Variants in RAD51B observed in about 807,000 individuals in gnomAD.
The protein encoded by RAD51B is DNA repair protein RAD51 homolog 2.
A neutral mutation model predicts 42.2 loss-of-function variants in RAD51B; 38 were observed. The observed-to-expected ratio is 0.90, with a 90% CI of 0.70 to 1.18. The LOEUF is 1.18. Among genes scored for constraint, RAD51B ranks in the 50% most tolerant of loss-of-function variants. RAD51B has a pLI of 0.00. For missense variants in RAD51B, 373 were observed against 400.7 expected (o/e 0.93, Z 0.59); for synonymous variants, 154 against 145.2 (o/e 1.06, Z -0.43).
At chr14:68,673,840 T>C (rs1330674229) in intron 11 of RAD51B, among the ~76,000 whole-genome samples, 1 of 150,744 alleles carries the variant, frequency 6.6e-6, no homozygotes, top group East Asian at 2.0e-4. Flanking sequence ...TACATACACA[T>C]ATGTACATGC....
chr14:67,841,854 G>A (rs937936311), intron 4 of RAD51B, among the ~76,000 whole-genome samples: 2 of 152,088 alleles, frequency 1.3e-5, no homozygotes, highest in Admixed American at 1.3e-4. Context: ...CTCTAGCTTT[G>A]TTCTCTTTGC....
At chr14:68,596,226 T>C (rs1890993292), downstream of RAD51B, among the ~76,000 whole-genome samples, 1 of 152,240 alleles carries the variant, frequency 6.6e-6, no homozygotes, top group African/African-American at 2.4e-5. Context: ...GGAAAGGTTT[T>C]GTTTCTACCT....
At chr14:68,423,545 G>A (rs1415371777) in intron 9 of RAD51B, among the ~76,000 whole-genome samples, 1 of 152,082 alleles carries the variant, frequency 6.6e-6, no homozygotes, top group African/African-American at 2.4e-5. Flanking sequence ...GTTCTAAGGG[G>A]CAAAGCCAGA....
intron 8 of RAD51B, among the ~76,000 whole-genome samples, chr14:68,378,381 A>G (rs2083413166): frequency 6.6e-6 from 1 of 152,212 alleles, no homozygotes; most frequent in African/African-American, 2.4e-5. Context: ...CAACCTGGTT[A>G]ATTGAGACCA....
At chr14:67,826,884 C>T (rs1228559705) in intron 3 of RAD51B, among the ~76,000 whole-genome samples, 1 of 152,076 alleles carries the variant, frequency 6.6e-6, no homozygotes, top group Non-Finnish European at 1.5e-5. Flanking sequence ...GGTTTTGCCA[C>T]ATAGCCTAGA....
chr14:67,962,665 A>G (rs2074694265), intron 7 of RAD51B, among the ~76,000 whole-genome samples: 1 of 152,180 alleles, frequency 6.6e-6, no homozygotes, highest in Admixed American at 6.6e-5. Context: ...CCCAGAGAAT[A>G]TAGTATCTGT....
chr14:67,948,748 G>A (rs2074382113), intron 7 of RAD51B, among the ~76,000 whole-genome samples: 2 of 151,636 alleles, frequency 1.3e-5, no homozygotes, highest in African/African-American at 4.8e-5. Context: ...TGGCTAACAT[G>A]GTGAAACCCC....
chr14:68,538,523 T>G (rs1451645024), intron 10 of RAD51B, among the ~76,000 whole-genome samples: 1 of 152,206 alleles, frequency 6.6e-6, no homozygotes, highest in Non-Finnish European at 1.5e-5. Flanking sequence ...TTTTAAATAT[T>G]TAGACATATG....
intron 11 of RAD51B, among the ~76,000 whole-genome samples, chr14:68,656,817 C>G (rs538163713): frequency 6.6e-6 from 1 of 152,148 alleles, no homozygotes; most frequent in African/African-American, 2.4e-5. Flanking sequence ...TGGCTCCCAG[C>G]CCCCATGGGT....
At chr14:67,907,708 C>T (rs1326848928) in intron 7 of RAD51B, among the ~76,000 whole-genome samples, 1 of 152,086 alleles carries the variant, frequency 6.6e-6, no homozygotes, top group Non-Finnish European at 1.5e-5. Flanking sequence ...TCCTCCTAGA[C>T]TTACAGGGAG....
At chr14:68,358,004 G>C (rs12894080) in intron 8 of RAD51B, among the ~76,000 whole-genome samples, 15,981 of 152,164 alleles carry the variant, frequency 0.11, 1,016 homozygotes, top group East Asian at 0.31. Context: ...CAATGTTGTC[G>C]TGTCTCAGGA....
chr14:68,550,885 ATAGT>A (rs1040776983), intron 10 of RAD51B, among the ~76,000 whole-genome samples: 16 of 152,222 alleles, frequency 1.1e-4, no homozygotes, highest in Middle Eastern at 3.2e-3. Context: ...AATTTAAAAA[ATAGT>A]TAAAGAGAGG....
At chr14:68,367,709 C>G (rs2083171736) in intron 8 of RAD51B, among the ~76,000 whole-genome samples, 1 of 152,144 alleles carries the variant, frequency 6.6e-6, no homozygotes, top group African/African-American at 2.4e-5. Flanking sequence ...AAAAGCTGGC[C>G]TGGTGATTAA....
At chr14:68,395,279 C>T (rs1194390665) in intron 8 of RAD51B, among the ~76,000 whole-genome samples, 1 of 152,140 alleles carries the variant, frequency 6.6e-6, no homozygotes. Context: ...CCATACAAAG[C>T]TGTTTTGCAA....
chr14:67,891,319 A>G (rs539302666), intron 7 of RAD51B, among the ~76,000 whole-genome samples: 2 of 152,266 alleles, frequency 1.3e-5, no homozygotes, highest in Admixed American at 6.5e-5. Context: ...TTTTACTAAG[A>G]TGTGCTTATA....
At chr14:68,665,178 T>C (rs1216901825) in intron 11 of RAD51B, among the ~76,000 whole-genome samples, 1 of 152,202 alleles carries the variant, frequency 6.6e-6, no homozygotes, top group African/African-American at 2.4e-5. Flanking sequence ...GCAAGGAGAA[T>C]GGAGTGAGGG....
chr14:68,446,172 G>A (rs1427996873), intron 9 of RAD51B, among the ~76,000 whole-genome samples: 2 of 152,216 alleles, frequency 1.3e-5, no homozygotes, highest in Non-Finnish European at 2.9e-5. Context: ...ATGCTGTGAG[G>A]TGGGTTTTTA....
intron 11 of RAD51B, among the ~76,000 whole-genome samples, chr14:68,670,665 C>G (rs1893137087): frequency 6.6e-6 from 1 of 152,246 alleles, no homozygotes; most frequent in Non-Finnish European, 1.5e-5. Flanking sequence ...TAATCCTCCT[C>G]TCATGTGGAG....
At chr14:67,830,615 G>T (rs763268750) in intron 3 of RAD51B, among the ~76,000 whole-genome samples, 5 of 152,018 alleles carry the variant, frequency 3.3e-5, no homozygotes, top group Non-Finnish European at 5.9e-5. Context: ...GTCCAGGCTG[G>T]TCTCAAACTG....
Sources: allele counts gnomAD v4.1 joint callset (sites outside exome capture counted in the v4.1 genomes callset), GRCh38; gene constraint gnomAD v4.1.1; transcripts MANE v1.5; gene names NCBI Gene and HGNC (gene_info 2026-07-23, HGNC 2026-07-21).